The following ANO2 variants were observed in gnomAD, a reference collection of about 807,000 sequenced individuals.
ANO2 encodes the protein anoctamin 2.
ANO2 carries 101 observed loss-of-function variants against 124.2 expected under a neutral mutation model. That is an observed-to-expected ratio of 0.81 (90% CI 0.69 to 0.96). The LOEUF (loss-of-function observed/expected upper bound fraction) is 0.96. Among genes scored for constraint, ANO2 ranks in the 40% least tolerant of loss-of-function variants. The pLI, the probability that ANO2 is intolerant of heterozygous loss-of-function variation, is 0.00. For synonymous variants in ANO2, 486 were observed against 482.5 expected, an observed-to-expected ratio of 1.01 and a Z score of -0.09; for missense variants, 1,293 against 1,274.5, an observed-to-expected ratio of 1.01 and a Z score of -0.22.
At chr12:5,748,603 AT>A (rs1312893081) in intron 11 of ANO2, among the ~76,000 whole-genome samples, 1 of 152,190 alleles carries the variant, frequency 6.6e-6, no homozygotes, top group Non-Finnish European at 1.5e-5. Flanking sequence ...AGTGGAAATA[AT>A]AATGCCTGTT....
intron 17 of ANO2, 145 bp from the exon 18 acceptor site, chr12:5,613,103 A>C (rs1427060596): frequency 1.3e-6 from 1 of 759,244 alleles, no homozygotes; most frequent in African/African-American, 1.7e-5. Context: ...CAGGGATAGG[A>C]GTGCACACTG....
chr12:5,616,173 T>C lies in ANO2; in HGVS notation c.1817-876A>G, dbSNP rs889032812. Reference sequence around the variant, plus strand: ...CAGGGTGATCTTAGTCCATTTGGGATGCTATAACAAGCTACCATAAACTGA... The same window carrying C: ...CAGGGTGATCTTAGTCCATTTGGGACGCTATAACAAGCTACCATAAACTGA... On this transcript the variant is annotated intron_variant, in intron 16 of 24. Coordinates refer to ENST00000682330, the MANE Select transcript of ANO2 (RefSeq NM_001364791.2). Among the ~76,000 whole-genome samples, 3 of 152,182 alleles carry C rather than the reference T, an allele frequency of 2.0e-5. No individual in the cohort carries two copies. The East Asian group carries it at 5.8e-4, about 29-fold the overall frequency.
intron 3 of ANO2, among the ~76,000 whole-genome samples, chr12:5,869,934 C>A (rs1955526706): frequency 6.6e-6 from 1 of 152,204 alleles, no homozygotes; most frequent in Non-Finnish European, 1.5e-5. Flanking sequence ...AACATAACTA[C>A]TGCCTTGAAC....
intron 20 of ANO2, among the ~76,000 whole-genome samples, chr12:5,585,553 T>C (rs1463776606): frequency 2.0e-5 from 3 of 152,228 alleles, no homozygotes; most frequent in African/African-American, 7.2e-5. Flanking sequence ...GTTGGCAAGA[T>C]CTACTGATCC....
Position 5,582,929 on chromosome 12 carries a change from C to T in ANO2, c.2234-4411G>A, listed in dbSNP as rs889945878. ...TCCCACCAGCACTGCAGGTGGAACT[C>T]GGTGCCTTGGGCATCTCTCATCCTC... On this transcript the variant is annotated intron_variant, in intron 20 of 24. Coordinates refer to ENST00000682330, the MANE Select transcript of ANO2 (RefSeq NM_001364791.2). Among the ~76,000 whole-genome samples, 8 of 152,160 alleles carry T rather than the reference C, an allele frequency of 5.3e-5. 1 individual carries two copies. Among genetic ancestry groups the T allele is most frequent in the African/African-American group, 9.7e-5 (4 of 41,442 alleles).
At chr12:5,885,574 A>C (rs1938831819) in intron 3 of ANO2, among the ~76,000 whole-genome samples, 1 of 152,204 alleles carries the variant, frequency 6.6e-6, no homozygotes, top group Non-Finnish European at 1.5e-5. Context: ...TTAAAGATGA[A>C]AAAAGAGTGA....
chr12:5,846,891 G>A (rs1286199274), intron 4 of ANO2, among the ~76,000 whole-genome samples: 2 of 152,114 alleles, frequency 1.3e-5, no homozygotes, highest in African/African-American at 2.4e-5. Context: ...ATATTTACAG[G>A]TTCCAGGGCT....
chr12:5,633,755 T>G (rs1297323829), intron 16 of ANO2, among the ~76,000 whole-genome samples: 1 of 152,128 alleles, frequency 6.6e-6, no homozygotes, highest in Non-Finnish European at 1.5e-5. Context: ...GTTCCACTGG[T>G]GTTTAGCTTG....
intron 14 of ANO2, among the ~76,000 whole-genome samples, chr12:5,689,282 T>C (rs1432026786): frequency 6.6e-6 from 1 of 152,084 alleles, no homozygotes; most frequent in Non-Finnish European, 1.5e-5. Context: ...CTAATTTTGG[T>C]TAGAGAACAG....
chr12:5,915,463 TCAAA>T (rs78083110), intron 3 of ANO2, among the ~76,000 whole-genome samples: 25,993 of 152,160 alleles, frequency 0.17, 2,583 homozygotes, highest in South Asian at 0.26. Flanking sequence ...TATCTGCTAT[TCAAA>T]CAGAGTTCAG....
intron 1 of ANO2, among the ~76,000 whole-genome samples, chr12:5,942,262 T>G (rs557261128): frequency 5.8e-4 from 88 of 152,328 alleles, no homozygotes; most frequent in South Asian, 1.5e-3. Context: ...AAATAGCATT[T>G]TTTAAAGTGT....
intron 7 of ANO2, among the ~76,000 whole-genome samples, chr12:5,812,786 A>AAAAG (rs200421712): frequency 7.4e-6 from 1 of 135,014 alleles, no homozygotes; most frequent in African/African-American, 2.8e-5. Flanking sequence ...GAAAGAAAGA[A>AAAAG]AAAGAAAGAA....
chr12:5,799,371 G>A (rs1262201726), intron 10 of ANO2, 136 bp downstream of exon 10: 11 of 762,418 alleles, frequency 1.4e-5, no homozygotes, highest in Non-Finnish European at 2.4e-5. Flanking sequence ...ATGAGACACA[G>A]AGGAGTGGAT....
At chr12:5,839,599 A>G (rs899020538) in intron 4 of ANO2, 4 of 455,842 alleles carry the variant, frequency 8.8e-6, no homozygotes, top group Non-Finnish European at 1.8e-5. Flanking sequence ...ATCTCTGGGT[A>G]CCTCCTAGAT....
chr12:5,701,137 G>A (rs575434378), intron 14 of ANO2, among the ~76,000 whole-genome samples: 1 of 117,704 alleles, frequency 8.5e-6, no homozygotes, highest in African/African-American at 3.3e-5. Flanking sequence ...TCTGTCGCCC[G>A]GGCAGGGTGA....
chr12:5,644,442 T>C (rs982972771), intron 15 of ANO2, among the ~76,000 whole-genome samples: 71 of 151,710 alleles, frequency 4.7e-4, no homozygotes, highest in African/African-American at 1.6e-3. Flanking sequence ...GTTTCTTGAC[T>C]ATTCTTAGCC....
intron 1 of ANO2, among the ~76,000 whole-genome samples, chr12:5,927,801 G>C (rs1365135787): frequency 2.6e-5 from 4 of 152,226 alleles, no homozygotes; most frequent in African/African-American, 2.4e-5. Flanking sequence ...AGATGGCTGA[G>C]AGGCAGAAGT....
chr12:5,738,031 G>T (rs376014706), intron 13 of ANO2, among the ~76,000 whole-genome samples: 1 of 152,208 alleles, frequency 6.6e-6, no homozygotes. Context: ...GGATGGGGAT[G>T]CAATTAAGTG....
chr12:5,751,258 C>A (rs1038395396), intron 10 of ANO2, among the ~76,000 whole-genome samples: 1 of 152,138 alleles, frequency 6.6e-6, no homozygotes, highest in Non-Finnish European at 1.5e-5. Flanking sequence ...CAACAGCAAA[C>A]TAAAAATATG....
Sources: gnomAD v4.1 joint callset for allele counts (sites outside exome capture counted in the v4.1 genomes callset) on GRCh38, gnomAD v4.1.1 for gene constraint, MANE v1.5 for transcripts, NCBI Gene and HGNC (gene_info 2026-07-23, HGNC 2026-07-21) for gene names.